CPPED1: variants seen among roughly 807,000 people sequenced by gnomAD.
The protein encoded by CPPED1 is calcineurin like phosphoesterase domain containing 1.
Under a neutral mutation model 28.0 loss-of-function variants are expected in CPPED1, and 28 were observed. The ratio of observed to expected loss-of-function variants is 1.00; its 90% CI spans 0.74 to 1.37. The LOEUF is 1.37. CPPED1 is among the 40% of genes most tolerant of loss of function. The probability of loss-of-function intolerance (pLI) is 0.00; values close to 1 mark genes in which losing one functional copy is unlikely to be tolerated. For missense variants in CPPED1, 504 were observed against 416.5 expected (o/e 1.21, Z -1.83); for synonymous variants, 198 against 180.2 (o/e 1.10, Z -0.79).
intron 2 of CPPED1, among the ~76,000 whole-genome samples, chr16:12,780,024 G>A (rs928605130): frequency 3.3e-5 from 5 of 152,170 alleles, no homozygotes; most frequent in East Asian, 1.9e-4. Context: ...TCTAGAAGGT[G>A]TCTGTCATCG....
chr16:12,744,297 AAAGCAAGC>A (rs1167597052), intron 2 of CPPED1, among the ~76,000 whole-genome samples: 40 of 130,272 alleles, frequency 3.1e-4, no homozygotes, highest in Non-Finnish European at 5.7e-4. Flanking sequence ...AGAGAGAGAG[AAAGCAAGC>A]AAGCAAGCAA....
intron 3 of CPPED1, among the ~76,000 whole-genome samples, chr16:12,676,251 C>T (rs547745270): frequency 6.6e-6 from 1 of 152,170 alleles, no homozygotes; most frequent in Non-Finnish European, 1.5e-5. Context: ...CAATAAACAT[C>T]TGTTGAGCTC....
intron 2 of CPPED1, among the ~76,000 whole-genome samples, chr16:12,754,877 T>A (rs143124592): frequency 6.6e-6 from 1 of 151,964 alleles, no homozygotes; most frequent in South Asian, 2.1e-4. Context: ...GCCGGCATGG[T>A]GGTGTGTACT....
chr16:12,722,517 C>T (rs919908890), intron 2 of CPPED1, among the ~76,000 whole-genome samples: 4 of 152,178 alleles, frequency 2.6e-5, no homozygotes, highest in African/African-American at 7.2e-5. Flanking sequence ...GAAAGCGGAT[C>T]GCTGGAGCCC....
At chr16:12,764,463 A>C (rs1435763479) in intron 2 of CPPED1, among the ~76,000 whole-genome samples, 1 of 152,102 alleles carries the variant, frequency 6.6e-6, no homozygotes, top group Non-Finnish European at 1.5e-5. Flanking sequence ...TTGGCCTCTC[A>C]AAGTGCTGAG....
At chr16:12,710,117 CAAAA>C in intron 2 of CPPED1, among the ~76,000 whole-genome samples, 1 of 152,192 alleles carries the variant, frequency 6.6e-6, no homozygotes, top group South Asian at 2.1e-4. Flanking sequence ...CTACAAAAAA[CAAAA>C]GAACAAAACA....
intron 2 of CPPED1, among the ~76,000 whole-genome samples, chr16:12,734,700 ATGTC>A (rs113631673): frequency 1.1e-3 from 162 of 152,228 alleles, no homozygotes; most frequent in African/African-American, 3.7e-3. Context: ...AGGTATTTAA[ATGTC>A]TGGCCTCAGG....
At chr16:12,723,320 A>G (rs1487042591) in intron 2 of CPPED1, among the ~76,000 whole-genome samples, 2 of 152,188 alleles carry the variant, frequency 1.3e-5, no homozygotes, top group Non-Finnish European at 2.9e-5. Context: ...GTTCTGGATG[A>G]ACTATGTCCC....
Position 12,677,665 on chromosome 16 carries a change from C to T in CPPED1, c.716-12550G>A, listed in dbSNP as rs569801338. The stretch of plus-strand genomic sequence containing the variant: ...CAAAAAAAGAAAAAAGGAAGTGCCA[C>T]GGTCGTGTATGTGTCTTCCTTCTTG... On this transcript the variant is annotated intron_variant, in intron 3 of 3. Coordinates refer to ENST00000381774, the MANE Select transcript of CPPED1 (RefSeq NM_018340.3). Among the ~76,000 whole-genome samples the T allele has an allele frequency of 6.6e-5, 10 of 152,312 alleles. No individual in the cohort carries two copies. The South Asian group carries it at 1.0e-3, about 16-fold the overall frequency.
chr16:12,738,588 G>A (rs1266425066), intron 2 of CPPED1, among the ~76,000 whole-genome samples: 5 of 152,202 alleles, frequency 3.3e-5, no homozygotes, highest in African/African-American at 7.2e-5. Flanking sequence ...AGAATGCTGA[G>A]ATTTTTCAGG....
At chr16:12,784,550 G>A (rs2080551435) in intron 1 of CPPED1, among the ~76,000 whole-genome samples, 2 of 91,494 alleles carry the variant, frequency 2.2e-5, no homozygotes, top group Middle Eastern at 0.01. Context: ...TGACCATTTT[G>A]TCATGAAAAA....
chr16:12,750,999 C>CAAA (rs1288499450), intron 2 of CPPED1, among the ~76,000 whole-genome samples: 1 of 148,462 alleles, frequency 6.7e-6, no homozygotes, highest in Non-Finnish European at 1.5e-5. Flanking sequence ...CAAACAACAA[C>CAAA]AACAAAAAAA....
intron 3 of CPPED1, among the ~76,000 whole-genome samples, chr16:12,690,119 C>G (rs1162789781): frequency 6.6e-6 from 1 of 151,900 alleles, no homozygotes. Flanking sequence ...TTTTGGCAGC[C>G]ATAATCTTTA....
At chr16:12,691,705 C>T (rs538163360) in intron 3 of CPPED1, among the ~76,000 whole-genome samples, 7 of 151,210 alleles carry the variant, frequency 4.6e-5, no homozygotes, top group South Asian at 4.2e-4. Flanking sequence ...AGCAAACTAT[C>T]GCAAGGACAA....
intron 2 of CPPED1, among the ~76,000 whole-genome samples, chr16:12,755,108 T>G (rs973208495): frequency 6.6e-6 from 1 of 152,084 alleles, no homozygotes; most frequent in Admixed American, 6.6e-5. Flanking sequence ...AAGACTAAGG[T>G]GAACAGTTTC....
intron 1 of CPPED1, among the ~76,000 whole-genome samples, chr16:12,800,457 A>G (rs1237868239): frequency 6.6e-6 from 1 of 151,308 alleles, no homozygotes; most frequent in East Asian, 1.9e-4. Flanking sequence ...AAAGTAAACC[A>G]TGGGGGACTA....
chr16:12,710,392 T>C (rs2080073870), intron 2 of CPPED1, among the ~76,000 whole-genome samples: 1 of 148,008 alleles, frequency 6.8e-6, no homozygotes, highest in African/African-American at 2.5e-5. Flanking sequence ...AGGAGAGAAA[T>C]AGGTTACAGG....
At position 12,665,070 on chromosome 16, in the gene CPPED1, C is replaced by A. The variant is rs569559246; in HGVS notation, c.761G>T (p.Gly254Val). The A allele has an allele frequency of 5.0e-6, 8 of 1,606,768 alleles. No individual in the cohort carries two copies. In the East Asian group the frequency reaches 1.1e-4, roughly 22 times the overall value. ...CACCATGTCGAGGTTCTGGTAGGTA[C>A]CCCCGGCATTCCTGTGGTAGTGGCC... ...FSGHYHRNAG[G>V]TYQNLDMVVS... The change falls in exon 4 of 4, where the codon GGT becomes GTT. Residue 254 changes from glycine (G) to valine (V), a missense_variant. By Grantham distance (109) the Gly-to-Val change is moderately radical (BLOSUM62 -3). Coordinates refer to ENST00000381774, the MANE Select transcript of CPPED1 (RefSeq NM_018340.3).
chr16:12,714,054 T>A (rs963921759), intron 2 of CPPED1, among the ~76,000 whole-genome samples: 3 of 152,200 alleles, frequency 2.0e-5, no homozygotes, highest in African/African-American at 7.2e-5. Context: ...TTGTTACTGA[T>A]CTTTCACTTT....
Sources: allele counts gnomAD v4.1 joint callset (sites outside exome capture counted in the v4.1 genomes callset), GRCh38; gene constraint gnomAD v4.1.1; transcripts MANE v1.5; gene names NCBI Gene and HGNC (gene_info 2026-07-23, HGNC 2026-07-21).